The following KCTD21 variants were observed in gnomAD, a reference collection of about 807,000 sequenced individuals.
The protein encoded by KCTD21 is BTB/POZ domain-containing protein KCTD21.
In KCTD21, 9 loss-of-function variants were observed where a neutral mutation model predicts 13.2. That is an observed-to-expected ratio of 0.68 (90% CI 0.41 to 1.19). KCTD21 has a LOEUF of 1.19. Among genes scored for constraint, KCTD21 ranks in the 50% most tolerant of loss-of-function variants. The probability of loss-of-function intolerance (pLI) is 0.01; values close to 1 mark genes in which losing one functional copy is unlikely to be tolerated. For missense variants in KCTD21, 303 were observed against 336.5 expected (o/e 0.90, Z 0.78); for synonymous variants, 142 against 137.4 (o/e 1.03, Z -0.23).
At chr11:78,182,834 C>T (rs528095040) in intron 1 of KCTD21, among the ~76,000 whole-genome samples, 12 of 152,258 alleles carry the variant, frequency 7.9e-5, no homozygotes, top group African/African-American at 2.6e-4. Context: ...ATACTCATGG[C>T]GACCTGGAGT....
rs1200744426 is a variant in KCTD21, at chr11:78,172,962, G to A, written c.*810C>T. The A allele has an allele frequency of 6.6e-6, 1 of 152,604 alleles. No homozygotes were observed. The highest frequency in any genetic ancestry group is 1.5e-5 in the Non-Finnish European group (1 of 68,032). The allele number at this position is 152,604 out of a possible 1,614,324, so 9.5% of individuals were successfully genotyped here. ...AATCCGTAATAGATTTGTTTAAAAT[G>A]ACCTGTTTCAATGATACCTCAAATT... On this transcript the variant is annotated 3_prime_UTR_variant, in exon 2 of 2. Coordinates refer to ENST00000340067, the MANE Select transcript of KCTD21 (RefSeq NM_001029859.3).
At chr11:78,177,141 T>C (rs1361115743) in intron 1 of KCTD21, among the ~76,000 whole-genome samples, 1 of 152,216 alleles carries the variant, frequency 6.6e-6, no homozygotes, top group Non-Finnish European at 1.5e-5. Flanking sequence ...TTCTGCCTCC[T>C]GAAGAGGCTG....
At chr11:78,187,437 G>A (rs1862817873) in intron 1 of KCTD21, 2 of 985,254 alleles carry the variant, frequency 2.0e-6, no homozygotes, top group Non-Finnish European at 2.4e-6. Context: ...GCAAAAGGCA[G>A]GAGGAGAGAA....
chr11:78,182,834 C>A (rs528095040), intron 1 of KCTD21, among the ~76,000 whole-genome samples: 1 of 152,140 alleles, frequency 6.6e-6, no homozygotes, highest in African/African-American at 2.4e-5. Flanking sequence ...ATACTCATGG[C>A]GACCTGGAGT....
intron 1 of KCTD21, among the ~76,000 whole-genome samples, chr11:78,181,385 G>A (rs1461130801): frequency 6.6e-6 from 1 of 152,198 alleles, no homozygotes; most frequent in Non-Finnish European, 1.5e-5. Context: ...ATTACGTCAA[G>A]TGAAAGAAGC....
intron 1 of KCTD21, chr11:78,187,718 G>A (rs1862832690): frequency 2.0e-6 from 2 of 985,342 alleles, no homozygotes; most frequent in African/African-American, 1.7e-5. Context: ...CTATAGGAGG[G>A]CTGCCTTACA....
chr11:78,186,904 C>T (rs912488633), intron 1 of KCTD21: 13 of 985,366 alleles, frequency 1.3e-5, no homozygotes, highest in Non-Finnish European at 1.6e-5. Flanking sequence ...GCTGGGGGTG[C>T]CCCTTTCTAT....
intron 1 of KCTD21, chr11:78,187,574 A>G: frequency 1.0e-6 from 1 of 985,200 alleles, no homozygotes; most frequent in Non-Finnish European, 1.2e-6. Context: ...TTCTCGGCTC[A>G]CTCTCACGCT....
Position 78,171,653 on chromosome 11 carries a change from C to A in KCTD21, c.*2119G>T, listed in dbSNP as rs912582858. ...CAGCTGTCTTTTTTTGGGATGGAGT[C>A]TCTCTGCAATGGCACACTCTCAGCT... On this transcript the variant is annotated 3_prime_UTR_variant, in exon 2 of 2. Transcript: ENST00000340067. 4 of 152,234 alleles carry A rather than the reference C, an allele frequency of 2.6e-5. No individual in the cohort carries two copies. Among genetic ancestry groups the A allele is most frequent in the African/African-American group, 9.6e-5 (4 of 41,452 alleles). 9.4% of individuals were successfully genotyped at this position (152,234 alleles called of 1,614,324 possible). A position where few individuals can be genotyped will look rare whatever the true frequency, so the allele number is the denominator to read the frequency against.
chr11:78,179,251 C>T (rs11606326), intron 1 of KCTD21, among the ~76,000 whole-genome samples: 277 of 151,606 alleles, frequency 1.8e-3, no homozygotes, highest in Admixed American at 3.2e-3. Flanking sequence ...TTGGCCAGGC[C>T]GGTCTTGGAC....
chr11:78,187,029 A>G (rs1032187164), intron 1 of KCTD21: 17 of 985,356 alleles, frequency 1.7e-5, no homozygotes, highest in East Asian at 1.1e-4. Flanking sequence ...GCTCTGTTCA[A>G]TTTTCAATCT....
At chr11:78,178,417 C>T (rs1484820770) in intron 1 of KCTD21, among the ~76,000 whole-genome samples, 3 of 152,156 alleles carry the variant, frequency 2.0e-5, no homozygotes, top group Non-Finnish European at 4.4e-5. Context: ...CGTGAGCCAC[C>T]GTGCCTGGTC....
chr11:78,173,775 C>T lies in KCTD21; in HGVS notation c.780G>A (p.Arg260=). 6.2e-7 allele frequency: 1 copy of T among 1,606,506 alleles called. No homozygotes were observed. The highest frequency in any genetic ancestry group is 8.5e-7 in the Non-Finnish European group (1 of 1,174,718). ...NNKIIRLIRY[R] is the part of the protein sequence containing the mutation. Reference sequence around the variant, plus strand: ...CTCCAGTGTTGTTGGGGTCCTTTTACCTGTACCGTATTAATCGAATAATCT... The same window carrying T: ...CTCCAGTGTTGTTGGGGTCCTTTTATCTGTACCGTATTAATCGAATAATCT... The change falls in exon 2 of 2, where the codon AGG becomes AGA. Residue 260 remains arginine (R), a synonymous_variant. Coordinates refer to ENST00000340067, the MANE Select transcript of KCTD21 (RefSeq NM_001029859.3).
intron 1 of KCTD21, among the ~76,000 whole-genome samples, chr11:78,186,388 A>G (rs1862768337): frequency 2.3e-5 from 3 of 132,994 alleles, no homozygotes; most frequent in African/African-American, 3.3e-5. Flanking sequence ...AAAAAAAAAA[A>G]AAAAAAAAAA....
intron 1 of KCTD21, among the ~76,000 whole-genome samples, chr11:78,181,733 C>T (rs12224314): frequency 1.3e-5 from 2 of 152,006 alleles, no homozygotes; most frequent in East Asian, 3.9e-4. Flanking sequence ...GTCACTTGAG[C>T]CCAGGAGTTC....
intron 1 of KCTD21, among the ~76,000 whole-genome samples, chr11:78,179,777 C>G (rs1862560290): frequency 6.6e-6 from 1 of 152,134 alleles, no homozygotes; most frequent in Admixed American, 6.5e-5. Flanking sequence ...TAGACCACCC[C>G]TGTCTACCTT....
chr11:78,184,452 T>C (rs1021579047), intron 1 of KCTD21, among the ~76,000 whole-genome samples: 1 of 151,706 alleles, frequency 6.6e-6, no homozygotes, highest in Non-Finnish European at 1.5e-5. Flanking sequence ...TTCTCTTGCC[T>C]CAGCCTCCTG....
At chr11:78,185,584 C>T (rs1862741774) in intron 1 of KCTD21, among the ~76,000 whole-genome samples, 1 of 151,612 alleles carries the variant, frequency 6.6e-6, no homozygotes, top group African/African-American at 2.4e-5. Context: ...ACAGAAACCA[C>T]ACCACTAGGC....
chr11:78,187,377 G>A (rs1862814287), intron 1 of KCTD21: 9 of 985,222 alleles, frequency 9.1e-6, no homozygotes, highest in Non-Finnish European at 1.1e-5. Context: ...CAACCCATAG[G>A]GAGGAGAGAA....
Sources: gnomAD v4.1 joint callset for allele counts (sites outside exome capture counted in the v4.1 genomes callset) on GRCh38, gnomAD v4.1.1 for gene constraint, MANE v1.5 for transcripts, NCBI Gene and HGNC (gene_info 2026-07-23, HGNC 2026-07-21) for gene names.